PTPRD: variants seen among roughly 807,000 people sequenced by gnomAD.
The protein encoded by PTPRD is protein tyrosine phosphatase receptor type D, also known as receptor-type tyrosine-protein phosphatase delta.
PTPRD carries 34 observed loss-of-function variants against 214.5 expected under a neutral mutation model. The observed-to-expected ratio is 0.16, with a 90% CI of 0.12 to 0.21. PTPRD has a LOEUF of 0.21. PTPRD is among the 10% of genes least tolerant of loss of function. PTPRD has a pLI of 1.00. For synonymous variants in PTPRD, 1,128 were observed against 845.7 expected, an observed-to-expected ratio of 1.33 and a Z score of -5.79; for missense variants, 2,545 against 2,398.7, an observed-to-expected ratio of 1.06 and a Z score of -1.27.
intron 5 of PTPRD, among the ~76,000 whole-genome samples, chr9:9,824,516 C>T (rs1231096300): frequency 6.6e-6 from 1 of 151,892 alleles, no homozygotes; most frequent in African/African-American, 2.4e-5. Flanking sequence ...TAAAGTTTTA[C>T]TGTTATGAAT....
intron 7 of PTPRD, among the ~76,000 whole-genome samples, chr9:9,612,535 T>C (rs1336542601): frequency 6.6e-6 from 1 of 152,174 alleles, no homozygotes; most frequent in African/African-American, 2.4e-5. Flanking sequence ...GGAAGTGGTT[T>C]TTCCTCTCTC....
chr9:8,760,266 C>T (rs1234934364), intron 11 of PTPRD, among the ~76,000 whole-genome samples: 1 of 152,178 alleles, frequency 6.6e-6, no homozygotes, highest in Non-Finnish European at 1.5e-5. Context: ...GATACACACA[C>T]ACACAAATAA....
At chr9:8,355,792 A>T (rs796500858) in intron 39 of PTPRD, among the ~76,000 whole-genome samples, 4 of 152,298 alleles carry the variant, frequency 2.6e-5, no homozygotes, top group African/African-American at 9.6e-5. Context: ...GTTCTTATTC[A>T]GTAAGTCTGG....
At chr9:8,412,663 A>C (rs1250027825) in intron 35 of PTPRD, among the ~76,000 whole-genome samples, 1 of 152,158 alleles carries the variant, frequency 6.6e-6, no homozygotes, top group Admixed American at 6.6e-5. Context: ...CTGATAGAAG[A>C]CTATCTTAGC....
At chr9:8,802,793 T>C (rs1038904770) in intron 11 of PTPRD, among the ~76,000 whole-genome samples, 7 of 152,184 alleles carry the variant, frequency 4.6e-5, no homozygotes, top group Admixed American at 3.9e-4. Flanking sequence ...GGCTTAAACC[T>C]GTAATCTCAG....
intron 9 of PTPRD, among the ~76,000 whole-genome samples, chr9:9,215,106 G>A (rs978555519): frequency 6.6e-6 from 1 of 152,132 alleles, no homozygotes; most frequent in Non-Finnish European, 1.5e-5. Context: ...ATTCATTTGT[G>A]TGTTAACAAG....
At position 9,780,700 on chromosome 9, in the gene PTPRD, G is replaced by C. The variant is rs537419619; in HGVS notation, c.-367-13849C>G. On this transcript the variant is annotated intron_variant, in intron 5 of 45. Transcript: ENST00000381196. ...ACCTAGGTATTTATCAGAATGATTA[G>C]AAAATTTAAGTCCTGACAAGAACCT... Among the ~76,000 whole-genome samples the C allele has an allele frequency of 6.9e-4, 105 of 152,292 alleles. No homozygotes were observed. The South Asian group carries it at 0.022, about 32-fold the overall frequency.
rs1282111856 is a variant in PTPRD, at chr9:10,394,137, TA to T, written c.-599-53121del. ...AGATATATATACATATATATCTTTA[TA>T]TAAAGATATCTATATATATAGATAT... On this transcript the variant is annotated intron_variant, in intron 2 of 45. Coordinates refer to ENST00000381196, the MANE Select transcript of PTPRD (RefSeq NM_002839.4). Among the ~76,000 whole-genome samples, 75 of 146,070 alleles carry T rather than the reference TA, an allele frequency of 5.1e-4. No homozygotes were observed. The Middle Eastern group carries it at 0.026, about 50-fold the overall frequency.
intron 7 of PTPRD, among the ~76,000 whole-genome samples, chr9:9,592,196 G>T (rs643360): frequency 0.39 from 58,846 of 151,850 alleles, 11,838 homozygotes; most frequent in African/African-American, 0.43. Context: ...CACCAATAAA[G>T]CATATAAAAT....
At chr9:8,830,127 T>C (rs1473446239) in intron 11 of PTPRD, among the ~76,000 whole-genome samples, 1 of 152,136 alleles carries the variant, frequency 6.6e-6, no homozygotes, top group East Asian at 1.9e-4. Context: ...CACTATAGCA[T>C]AGGTACTGTT....
At chr9:8,500,240 G>A (rs1041206362) in intron 24 of PTPRD, among the ~76,000 whole-genome samples, 3 of 151,632 alleles carry the variant, frequency 2.0e-5, no homozygotes, top group Admixed American at 6.6e-5. Flanking sequence ...CTTTTTAAAC[G>A]GCAGAATAAA....
chr9:8,563,689 C>T (rs1315957496), intron 14 of PTPRD, among the ~76,000 whole-genome samples: 2 of 150,596 alleles, frequency 1.3e-5, no homozygotes, highest in East Asian at 2.0e-4. Context: ...CCCGCCTTGG[C>T]CTCCCTCTGT....
chr9:8,399,094 A>T (rs77889515), intron 36 of PTPRD, among the ~76,000 whole-genome samples: 2 of 5,344 alleles, frequency 3.7e-4, no homozygotes, highest in African/African-American at 1.0e-3. Context: ...AAGCCCACTA[A>T]GCTTTTTTTT....
rs575528387 is a variant in PTPRD at position 10,181,909 on chromosome 9, G to T, written c.-544-148119C>A. ...ATGTTTGGAACTCTGAGACAGAAAA[G>T]CTTTCTTAAATATGACTATGTATCA... On this transcript the variant is annotated intron_variant, in intron 3 of 45. Coordinates refer to ENST00000381196, the MANE Select transcript of PTPRD (RefSeq NM_002839.4). 4.6e-4 allele frequency among the ~76,000 whole-genome samples: 53 copies of T among 116,230 alleles called. 1 individual carries two copies. In the South Asian group the frequency reaches 0.014, roughly 31 times the overall value. The allele number at this position is 116,230 out of a possible 152,430, so 76.3% of individuals were successfully genotyped here.
intron 12 of PTPRD, among the ~76,000 whole-genome samples, chr9:8,675,592 A>G (rs1204342780): frequency 1.4e-5 from 2 of 145,896 alleles, no homozygotes; most frequent in East Asian, 2.0e-4. Flanking sequence ...TATTCCCTCC[A>G]TCACACTCAA....
intron 11 of PTPRD, among the ~76,000 whole-genome samples, chr9:8,772,833 G>A (rs928609672): frequency 1.3e-5 from 2 of 151,654 alleles, no homozygotes; most frequent in African/African-American, 4.8e-5. Flanking sequence ...TTATTTTGGG[G>A]GTGCTAGATA....
Position 10,048,845 on chromosome 9 carries a change from C to G in PTPRD, c.-544-15055G>C, listed in dbSNP as rs189553954. 1.2e-3 allele frequency among the ~76,000 whole-genome samples: 178 copies of G among 151,962 alleles called. 1 individual carries two copies. Among genetic ancestry groups the G allele is most frequent in the African/African-American group, 3.9e-3 (162 of 41,452 alleles). On this transcript the variant is annotated intron_variant, in intron 3 of 45. Transcript: ENST00000381196. ...AATTCATAGTAACTTAAATGGTAAA[C>G]TCCCCAAAGATATCTGAATTTTAAC...
At chr9:8,803,175 G>A (rs1275513402) in intron 11 of PTPRD, among the ~76,000 whole-genome samples, 2 of 152,100 alleles carry the variant, frequency 1.3e-5, no homozygotes, top group African/African-American at 2.4e-5. Flanking sequence ...TCATCTTATA[G>A]CCAATGTTAG....
At chr9:9,970,433 A>G (rs2095022002) in intron 4 of PTPRD, among the ~76,000 whole-genome samples, 1 of 137,470 alleles carries the variant, frequency 7.3e-6, no homozygotes, top group South Asian at 2.3e-4. Flanking sequence ...CCTTCTCAAA[A>G]AAAAAAAAAA....
Sources: gnomAD v4.1 joint callset for allele counts (sites outside exome capture counted in the v4.1 genomes callset) on GRCh38, gnomAD v4.1.1 for gene constraint, MANE v1.5 for transcripts, NCBI Gene and HGNC (gene_info 2026-07-23, HGNC 2026-07-21) for gene names.